Variants in DNAH8 observed in about 807,000 individuals in gnomAD.
DNAH8 encodes the protein axonemal beta dynein heavy chain 8.
A neutral mutation model predicts 562.1 loss-of-function variants in DNAH8; 382 were observed. The observed-to-expected ratio is 0.68, with a 90% CI of 0.63 to 0.74. The LOEUF is 0.74. DNAH8 is among the 30% of genes least tolerant of loss of function. The pLI is 0.00. For synonymous variants in DNAH8, 1,881 were observed against 1,919.4 expected, an observed-to-expected ratio of 0.98 and a Z score of 0.52; for missense variants, 5,203 against 5,620.4, an observed-to-expected ratio of 0.93 and a Z score of 2.37.
At chr6:38,898,518 C>T in intron 61 of DNAH8, 138 bp downstream of exon 61, 2 of 567,686 alleles carry the variant, frequency 3.5e-6, no homozygotes, top group Non-Finnish European at 2.7e-6. Flanking sequence ...GGTCAATTCA[C>T]TGTCCCAGAA....
chr6:38,853,442 T>C, intron 41 of DNAH8, 95 bp downstream of exon 41: 2 of 1,371,490 alleles, frequency 1.5e-6, no homozygotes, highest in Non-Finnish European at 2.0e-6. Context: ...GTGAGGCAAT[T>C]GTAGCTTTGA....
At chr6:38,862,218 T>C in intron 43 of DNAH8, 62 bp from the exon 44 acceptor site, 1 of 1,475,836 alleles carries the variant, frequency 6.8e-7, no homozygotes, top group Non-Finnish European at 9.2e-7. Flanking sequence ...GGATTTTTGC[T>C]TGCGCCATCC....
At position 39,008,777 on chromosome 6, in the gene DNAH8, C is replaced by G. The variant is rs184904333; in HGVS notation, c.13215-37C>G. ...CTTGACACTTATCTCTTACATGTTT[C>G]CCTGTAACATTCTGAACAGCTCACT... On this transcript the variant is annotated intron_variant, in intron 88 of 92. Transcript: ENST00000327475. The G allele has an allele frequency of 1.2e-3, 1,600 of 1,339,522 alleles. 13 individuals are homozygous for G. Among genetic ancestry groups the G allele is most frequent in the Middle Eastern group, 9.1e-3 (47 of 5,166 alleles). The allele number at this position is 1,339,522 out of a possible 1,614,324, so 83.0% of individuals were successfully genotyped here.
intron 52 of DNAH8, among the ~76,000 whole-genome samples, chr6:38,874,534 T>A (rs1777840745): frequency 6.7e-6 from 1 of 150,296 alleles, no homozygotes; most frequent in Non-Finnish European, 1.5e-5. Flanking sequence ...CATGCCCAGC[T>A]AATTTTTAGA....
intron 58 of DNAH8, among the ~76,000 whole-genome samples, chr6:38,892,631 A>G (rs1561827400): frequency 6.6e-6 from 1 of 152,108 alleles, no homozygotes; most frequent in African/African-American, 2.4e-5. Context: ...TGGACCATGC[A>G]GTAACTTCCT....
chr6:38,864,017 A>G lies in DNAH8; in HGVS notation c.6455A>G (p.Asp2152Gly), dbSNP rs771527651. 4 of 1,608,746 alleles carry G rather than the reference A, an allele frequency of 2.5e-6. No individual in the cohort carries two copies. Among genetic ancestry groups the G allele is most frequent in the Non-Finnish European group, 8.5e-7 (1 of 1,178,930 alleles). Residue 2152 changes from aspartate (D) to glycine (G), a missense_variant, in exon 45 of 93, where the codon GAT (aspartate) becomes GGT (glycine). Physicochemically the swap from Asp to Gly is moderately conservative, Grantham distance 94 (BLOSUM62 -1). Coordinates refer to ENST00000327475, the MANE Select transcript of DNAH8 (RefSeq NM_001206927.2). ...RKKQFIFSDG[D>G]CVDLNPEFGI... ...AAACAGTTCATTTTTTCTGATGGTG[A>G]TTGTGTTGATTTAAATCCAGAATTT...
At chr6:38,829,830 A>G (rs1773677055) in intron 30 of DNAH8, among the ~76,000 whole-genome samples, 1 of 152,226 alleles carries the variant, frequency 6.6e-6, no homozygotes. Flanking sequence ...AAGTATATTC[A>G]CATTGCTGTG....
intron 14 of DNAH8, 84 bp downstream of exon 14, chr6:38,778,548 G>T (rs1008927779): frequency 1.2e-6 from 1 of 857,690 alleles, no homozygotes; most frequent in Non-Finnish European, 1.9e-6. Flanking sequence ...GGATGTTGTT[G>T]GAAATCTGTC....
intron 8 of DNAH8, among the ~76,000 whole-genome samples, chr6:38,743,007 C>CCTTTTTTTT (rs1764643538): frequency 5.8e-5 from 3 of 51,978 alleles, no homozygotes; most frequent in Non-Finnish European, 8.9e-5. Flanking sequence ...TGTTGTTGTG[C>CCTTTTTTTT]TTTTTTTTTT....
chr6:38,797,992 C>T (rs566615992), intron 21 of DNAH8, among the ~76,000 whole-genome samples: 2 of 151,942 alleles, frequency 1.3e-5, no homozygotes, highest in South Asian at 2.1e-4. Flanking sequence ...GCAGGAGAAT[C>T]GCTTGAACCT....
chr6:38,822,052 C>T (rs1264313365), intron 26 of DNAH8, among the ~76,000 whole-genome samples: 1 of 152,102 alleles, frequency 6.6e-6, no homozygotes, highest in Non-Finnish European at 1.5e-5. Context: ...CTCCACTGGC[C>T]GTCAAACAGC....
At chr6:38,805,696 A>G in intron 23 of DNAH8, 100 bp downstream of exon 23, 3 of 621,912 alleles carry the variant, frequency 4.8e-6, no homozygotes, top group South Asian at 4.1e-5. Context: ...TCTGCAACCA[A>G]TCTAATTTCT....
At chr6:38,959,960 C>T (rs577899559) in intron 82 of DNAH8, among the ~76,000 whole-genome samples, 1 of 152,146 alleles carries the variant, frequency 6.6e-6, no homozygotes, top group East Asian at 1.9e-4. Context: ...GAGATAAACC[C>T]ATGCATTTAC....
chr6:38,943,467 T>G (rs953818355), intron 79 of DNAH8, among the ~76,000 whole-genome samples: 4 of 149,240 alleles, frequency 2.7e-5, no homozygotes, highest in African/African-American at 1.0e-4. Flanking sequence ...AATGTTTGAT[T>G]TCCCAAGAGT....
chr6:38,797,519 C>T (rs1399792607), intron 21 of DNAH8, among the ~76,000 whole-genome samples: 1 of 152,144 alleles, frequency 6.6e-6, no homozygotes, highest in African/African-American at 2.4e-5. Flanking sequence ...CTCCCTTTCC[C>T]CTCCCCTGAA....
intron 88 of DNAH8, among the ~76,000 whole-genome samples, chr6:38,994,578 G>A (rs969223199): frequency 6.7e-6 from 1 of 150,216 alleles, no homozygotes; most frequent in Non-Finnish European, 1.5e-5. Context: ...TTACCTATTA[G>A]GTATAAGTAT....
At position 38,848,671 on chromosome 6, in the gene DNAH8, A is replaced by T. The variant is rs1775495864; in HGVS notation, c.5069A>T (p.Asn1690Ile). Reference protein sequence around the residue: ...SNRYNAPFKKNIQNWVYKLST... With the variant: ...SNRYNAPFKKIIQNWVYKLST... Reference sequence around the variant, plus strand: ...AGATACAATGCTCCATTTAAAAAAAATATCCAGAATTGGGTGTATAAATTG... The same window carrying T: ...AGATACAATGCTCCATTTAAAAAAATTATCCAGAATTGGGTGTATAAATTG... The change falls in exon 37 of 93, where the codon AAT (asparagine) becomes ATT (isoleucine). Residue 1690 changes from asparagine to isoleucine, a missense_variant. Transcript: ENST00000327475. 3.1e-6 allele frequency: 5 copies of T among 1,610,730 alleles called. No homozygotes were observed. The East Asian group carries it at 6.7e-5, about 22-fold the overall frequency.
chr6:38,938,796 A>G lies in DNAH8; in HGVS notation c.11817-2A>G, dbSNP rs1366917219. ...TTCTTTGATTCTTAAAATGTGTTTC[A>G]GATCTGAAAAGTCACCACTACCTCA... On this transcript the variant is annotated splice_acceptor_variant, in intron 78 of 92. Coordinates refer to ENST00000327475, the MANE Select transcript of DNAH8 (RefSeq NM_001206927.2). LOFTEE classifies it high-confidence loss of function. 1.3e-6 allele frequency: 2 copies of G among 1,587,664 alleles called. No individual in the cohort carries two copies. Among genetic ancestry groups the G allele is most frequent in the Admixed American group, 1.8e-5 (1 of 54,472 alleles).
At chr6:38,897,144 CG>C in intron 60 of DNAH8, among the ~76,000 whole-genome samples, 1 of 151,882 alleles carries the variant, frequency 6.6e-6, no homozygotes, top group East Asian at 1.9e-4. Context: ...GAGTGACAGG[CG>C]TGAGCCACCA....
Sources: allele counts gnomAD v4.1 joint callset (sites outside exome capture counted in the v4.1 genomes callset), GRCh38; gene constraint gnomAD v4.1.1; transcripts MANE v1.5; gene names NCBI Gene and HGNC (gene_info 2026-07-23, HGNC 2026-07-21).